Variants in TBC1D5 observed in about 807,000 individuals in gnomAD.
TBC1D5 encodes TBC1 domain family, member 5.
In TBC1D5, 75 loss-of-function variants were observed where a neutral mutation model predicts 100.3. The ratio of observed to expected loss-of-function variants is 0.75; its 90% CI spans 0.62 to 0.91. The LOEUF is 0.91. Among genes scored for constraint, TBC1D5 ranks in the 40% least tolerant of loss-of-function variants. TBC1D5 has a pLI of 0.00. For synonymous variants in TBC1D5, 323 were observed against 325.6 expected (o/e 0.99, Z 0.09); for missense variants, 910 against 942.4 (o/e 0.97, Z 0.45).
chr3:17,209,049 C>G (rs1174889466), intron 18 of TBC1D5, among the ~76,000 whole-genome samples: 1 of 152,158 alleles, frequency 6.6e-6, no homozygotes, highest in Non-Finnish European at 1.5e-5. Context: ...AGAACAGTTC[C>G]CACAACCCGA....
At chr3:17,606,313 T>C (rs899820781) in intron 2 of TBC1D5, among the ~76,000 whole-genome samples, 6 of 152,098 alleles carry the variant, frequency 3.9e-5, no homozygotes, top group East Asian at 1.9e-4. Context: ...CATGGTGGCA[T>C]GCGCCTGGGG....
At chr3:17,407,213 G>T (rs954697043) in intron 4 of TBC1D5, among the ~76,000 whole-genome samples, 1 of 152,112 alleles carries the variant, frequency 6.6e-6, no homozygotes, top group African/African-American at 2.4e-5. Context: ...GACACCAGGG[G>T]CCTAACACCT....
At chr3:17,482,857 G>C (rs1444627862) in intron 3 of TBC1D5, among the ~76,000 whole-genome samples, 1 of 152,046 alleles carries the variant, frequency 6.6e-6, no homozygotes, top group African/African-American at 2.4e-5. Context: ...GGATTGGGGA[G>C]ATCTCCTATA....
intron 1 of TBC1D5, among the ~76,000 whole-genome samples, chr3:17,728,077 A>C (rs1005182810): frequency 9.9e-5 from 15 of 152,188 alleles, no homozygotes; most frequent in Non-Finnish European, 4.4e-5. Flanking sequence ...ATTTGATAAC[A>C]GTCAACATCC....
chr3:17,374,278 A>G (rs1332331613), intron 12 of TBC1D5, among the ~76,000 whole-genome samples, 193 bp downstream of exon 12: 2 of 152,086 alleles, frequency 1.3e-5, no homozygotes, highest in African/African-American at 4.8e-5. Context: ...AATTTTTACA[A>G]TTGCCTTTGT....
intron 2 of TBC1D5, among the ~76,000 whole-genome samples, chr3:17,576,705 A>T (rs954447169): frequency 6.6e-6 from 1 of 152,038 alleles, no homozygotes; most frequent in African/African-American, 2.4e-5. Context: ...TAAGAAAAAT[A>T]GTAGCACGTG....
chr3:17,213,220 C>T (rs2073195177), intron 18 of TBC1D5, among the ~76,000 whole-genome samples: 1 of 152,182 alleles, frequency 6.6e-6, no homozygotes, highest in South Asian at 2.1e-4. Flanking sequence ...CTAGGAGTAA[C>T]AGACTATACC....
At chr3:17,648,075 A>T (rs1322986687) in intron 1 of TBC1D5, among the ~76,000 whole-genome samples, 1 of 152,170 alleles carries the variant, frequency 6.6e-6, no homozygotes, top group Admixed American at 6.6e-5. Context: ...ATTACCCAAC[A>T]TCAAACTATA....
chr3:17,321,887 TACAG>T lies in TBC1D5; in HGVS notation c.996-13757_996-13754del, dbSNP rs375984225. ...TACAGTAATTTCACTCTGTTTACAG[TACAG>T]AGAGTTGGATATATACCAATTATAT... On this transcript the variant is annotated intron_variant, in intron 13 of 21. Coordinates refer to ENST00000253692, the Ensembl canonical transcript of TBC1D5. 1.1e-3 allele frequency among the ~76,000 whole-genome samples: 164 copies of T among 152,344 alleles called. No individual in the cohort carries two copies. In the East Asian group the frequency reaches 0.029, roughly 27 times the overall value.
chr3:17,633,663 GA>G (rs2063673412), intron 1 of TBC1D5, among the ~76,000 whole-genome samples: 1 of 152,150 alleles, frequency 6.6e-6, no homozygotes, highest in Non-Finnish European at 1.5e-5. Flanking sequence ...ATGCTTAAGA[GA>G]GTGTAGAATA....
At chr3:17,489,746 C>T (rs1304653288) in intron 3 of TBC1D5, among the ~76,000 whole-genome samples, 1 of 152,144 alleles carries the variant, frequency 6.6e-6, no homozygotes, top group African/African-American at 2.4e-5. Flanking sequence ...TTTTCTTTAT[C>T]AAGTCTATCA....
At chr3:17,216,441 C>G (rs544274559) in intron 17 of TBC1D5, among the ~76,000 whole-genome samples, 5 of 152,098 alleles carry the variant, frequency 3.3e-5, no homozygotes, top group Admixed American at 1.3e-4. Context: ...CTCCTCTTTT[C>G]CTTTCACCTG....
intron 20 of TBC1D5, 78 bp downstream of exon 21, chr3:17,167,671 C>T: frequency 1.5e-6 from 2 of 1,314,662 alleles, no homozygotes; most frequent in Admixed American, 1.7e-5. Context: ...GCTCTAACAT[C>T]ATGGTGCTCC....
chr3:17,600,826 G>C (rs575490852), intron 2 of TBC1D5, among the ~76,000 whole-genome samples: 1 of 152,050 alleles, frequency 6.6e-6, no homozygotes, highest in African/African-American at 2.4e-5. Flanking sequence ...GAAAGACCGG[G>C]CGGGGGAAAA....
At chr3:17,531,785 T>G (rs1048424514) in intron 2 of TBC1D5, among the ~76,000 whole-genome samples, 10 of 152,342 alleles carry the variant, frequency 6.6e-5, no homozygotes, top group South Asian at 4.1e-4. Context: ...TAGCCGTATG[T>G]AGAAAGCTGA....
chr3:17,528,611 T>A (rs1460507798), intron 2 of TBC1D5, among the ~76,000 whole-genome samples: 2 of 152,174 alleles, frequency 1.3e-5, no homozygotes, highest in Admixed American at 1.3e-4. Flanking sequence ...CTTTTTGTTC[T>A]ACTCCTCTTT....
In TBC1D5 at chr3:17,603,620, A is replaced by C. The variant is rs142154485; in HGVS notation, c.-36+20229T>G. ...GAAACAACCATAAAAATAGCCAACC[A>C]GCAGCCCCCAGAATCAAAGTCATTC... On this transcript the variant is annotated intron_variant, in intron 2 of 21. Coordinates refer to ENST00000253692, the Ensembl canonical transcript of TBC1D5. Among the ~76,000 whole-genome samples the C allele has an allele frequency of 7.9e-5, 12 of 152,226 alleles. 1 individual carries two copies. In the East Asian group the frequency reaches 2.3e-3, roughly 29 times the overall value.
At chr3:17,401,217 G>A (rs1421819148) in intron 8 of TBC1D5, among the ~76,000 whole-genome samples, 8 of 149,974 alleles carry the variant, frequency 5.3e-5, no homozygotes, top group African/African-American at 2.0e-4. Context: ...CACTGTATGT[G>A]TGTGTACATA....
chr3:17,627,425 G>A (rs1004978904), intron 1 of TBC1D5, among the ~76,000 whole-genome samples: 5 of 152,046 alleles, frequency 3.3e-5, no homozygotes, highest in African/African-American at 1.2e-4. Context: ...AGAACAAAGA[G>A]CAGAGACTGA....
Sources: allele counts gnomAD v4.1 joint callset (sites outside exome capture counted in the v4.1 genomes callset), GRCh38; gene constraint gnomAD v4.1.1; transcripts MANE v1.5; gene names NCBI Gene and HGNC (gene_info 2026-07-23, HGNC 2026-07-21).